TEKT4: variants seen among roughly 807,000 people sequenced by gnomAD.
TEKT4 encodes tektin-4.
TEKT4 carries 46 observed loss-of-function variants against 46.0 expected under a neutral mutation model. The ratio of observed to expected loss-of-function variants is 1.00; its 90% CI spans 0.79 to 1.28. TEKT4 has a LOEUF of 1.28. Among genes scored for constraint, TEKT4 ranks in the 50% most tolerant of loss-of-function variants. TEKT4 has a pLI of 0.00. For missense variants in TEKT4, 790 were observed against 622.9 expected (o/e 1.27, Z -2.85); for synonymous variants, 325 against 265.8 (o/e 1.22, Z -2.17).
At chr2:94,873,020 A>C in intron 1 of TEKT4, 1 of 1,289,454 alleles carries the variant, frequency 7.8e-7, no homozygotes, top group Non-Finnish European at 1.0e-6. Context: ...ATCACAGAGA[A>C]AAGGCTTGTT....
chr2:94,873,730 G>A, intron 2 of TEKT4, 140 bp downstream of exon 2: 3 of 1,289,772 alleles, frequency 2.3e-6, no homozygotes, highest in Non-Finnish European at 3.2e-6. Context: ...GACTGGGTGG[G>A]GGAGGTTCCG....
At chr2:94,876,455 C>T in intron 5 of TEKT4, 98 bp from the exon 6 acceptor site, 3 of 1,042,016 alleles carry the variant, frequency 2.9e-6, no homozygotes, top group Non-Finnish European at 4.2e-6. Flanking sequence ...CCAGGACCTC[C>T]TGCCAGCTCC....
chr2:94,875,462 C>CA lies in TEKT4; in HGVS notation c.937-125dup, dbSNP rs1416599371. The CA allele has an allele frequency of 4.2e-6, 6 of 1,438,686 alleles. No homozygotes were observed. The African/African-American group carries it at 8.5e-5, about 20-fold the overall frequency. The allele number at this position is 1,438,686 out of a possible 1,614,324, so 89.1% of individuals were successfully genotyped here. A position where few individuals can be genotyped will look rare whatever the true frequency, so the allele number is the denominator to read the frequency against. On this transcript the variant is annotated intron_variant, in intron 4 of 5. Transcript: ENST00000295201. ...ATTGTTCCCCTCATCCACGCCTCCC[C>CA]AGGGCCACTGGTCAGGACTGCCCTC... is the stretch of plus-strand genomic sequence containing the variant.
rs536038842 is a variant in TEKT4 at position 94,874,787 on chromosome 2, C to T, written c.725C>T (p.Pro242Leu). ...CCCCCGCCCCGCAGCGCCTCCACCC[C>T]GGAGACCCGGGCCAAGTTCACGCAG... Reference protein sequence around the residue: ...STTFQESASTPETRAKFTQDN... With the variant: ...STTFQESASTLETRAKFTQDN... Residue 242 changes from proline (P) to leucine (L), a missense_variant, in exon 4 of 6, where the codon CCG becomes CTG. Coordinates refer to ENST00000295201, the MANE Select transcript of TEKT4 (RefSeq NM_144705.4). 13 of 1,582,690 alleles carry T rather than the reference C, an allele frequency of 8.2e-6. No individual in the cohort carries two copies. The highest frequency in any genetic ancestry group is 3.4e-5 in the South Asian group (3 of 87,360).
At chr2:94,873,254 T>C in intron 1 of TEKT4, 7 of 1,335,624 alleles carry the variant, frequency 5.2e-6, no homozygotes, top group Non-Finnish European at 6.7e-6. Flanking sequence ...TCCTGAAGCC[T>C]GGGGCGTGGG....
rs1316898767 is a variant in TEKT4 at position 94,876,761 on chromosome 2, T to A, written c.1300T>A (p.Tyr434Asn). The A allele has an allele frequency of 6.2e-7, 1 of 1,606,374 alleles. No individual in the cohort carries two copies. Among genetic ancestry groups the A allele is most frequent in the Non-Finnish European group, 8.5e-7 (1 of 1,179,864 alleles). Residue 434 changes from tyrosine (Y) to asparagine (N), a missense_variant, in exon 6 of 6, where the codon TAC becomes AAC. Coordinates refer to ENST00000295201, the MANE Select transcript of TEKT4 (RefSeq NM_144705.4). ...RYPTILQLAG[Y>N]Q Reference sequence around the variant, plus strand: ...CCCCACCATCCTGCAGCTGGCTGGCTACCAGTGAGCAGCGGCACGGTGCTT... The same window carrying A: ...CCCCACCATCCTGCAGCTGGCTGGCAACCAGTGAGCAGCGGCACGGTGCTT...
At position 94,874,807 on chromosome 2, in the gene TEKT4, A is replaced by G. The variant is rs781934515; in HGVS notation, c.745A>G (p.Thr249Ala). Residue 249 changes from threonine (T) to alanine (A), a missense_variant, in exon 4 of 6, where the codon ACG becomes GCG. Coordinates refer to ENST00000295201, the MANE Select transcript of TEKT4 (RefSeq NM_144705.4). ...ASTPETRAKF[T>A]QDNLCRAQRE... ...CACCCCGGAGACCCGGGCCAAGTTC[A>G]CGCAGGACAATCTGTGCCGTGCCCA... 2 of 1,598,068 alleles carry G rather than the reference A, an allele frequency of 1.3e-6. No homozygotes were observed. Among genetic ancestry groups the G allele is most frequent in the Non-Finnish European group, 1.7e-6 (2 of 1,174,040 alleles).
rs1553395980 is a variant in TEKT4, at chr2:94,875,007, C to T, written c.936+9C>T. ...ATCACCACCTGCACAAGGTGGGGCA[C>T]CCTGAACCCCGAAGACGGCCCCCTC... On this transcript the variant is annotated intron_variant, in intron 4 of 5. Coordinates refer to ENST00000295201, the MANE Select transcript of TEKT4 (RefSeq NM_144705.4). 3 of 1,585,744 alleles carry T rather than the reference C, an allele frequency of 1.9e-6. No homozygotes were observed. The highest frequency in any genetic ancestry group is 2.6e-6 in the Non-Finnish European group (3 of 1,166,198).
intron 1 of TEKT4, 160 bp from the exon 2 acceptor site, chr2:94,873,360 G>C: frequency 6.8e-7 from 1 of 1,473,508 alleles, no homozygotes; most frequent in Non-Finnish European, 9.0e-7. Flanking sequence ...AAAAGCCCAA[G>C]ATAAACCCAG....
chr2:94,871,926 C>G lies in TEKT4; in HGVS notation c.347C>G (p.Thr116Ser). 6.3e-7 allele frequency: 1 copy of G among 1,599,006 alleles called. No individual in the cohort carries two copies. The highest frequency in any genetic ancestry group is 8.5e-7 in the Non-Finnish European group (1 of 1,177,226). The change falls in exon 1 of 6, where the codon ACC becomes AGC. Residue 116 changes from threonine to serine, a missense_variant. Thr to Ser is a moderately conservative substitution (Grantham distance 58). Coordinates refer to ENST00000295201, the MANE Select transcript of TEKT4 (RefSeq NM_144705.4). ...GAGATGGAGGCGCTGGCTGCGGAGACCAACTTGCTCCTGGCCCAGAAGCAA... is the reference window on the plus strand; with the variant it reads ...GAGATGGAGGCGCTGGCTGCGGAGAGCAACTTGCTCCTGGCCCAGAAGCAA... ...QREMEALAAE[T>S]NLLLAQKQRL...
At chr2:94,875,053 T>C in intron 4 of TEKT4, 55 bp downstream of exon 4, 1 of 1,491,692 alleles carries the variant, frequency 6.7e-7, no homozygotes. Context: ...GCCTGGGCCC[T>C]CAACACCTTT....
At chr2:94,873,064 A>T in intron 1 of TEKT4, 1 of 1,274,710 alleles carries the variant, frequency 7.8e-7, no homozygotes, top group Non-Finnish European at 1.0e-6. Flanking sequence ...GCCAGGCAAT[A>T]AGAAGAAACA....
rs1553395509 is a variant in TEKT4, at chr2:94,873,965, A to G, written c.570A>G (p.Arg190=). The change falls in exon 3 of 6, where the codon CGA becomes CGG. Residue 190 remains arginine (R), a splice_region_variant and synonymous_variant. Transcript: ENST00000295201. ...RTIMQAVSQI[R]LNREHKETCE... ...AAGGCCCTGCCCCACCCCGCCCCAG[A>G]CTGAACCGGGAGCACAAGGAGACCT... is the stretch of plus-strand genomic sequence containing the variant. 1 of 1,612,544 alleles carries G rather than the reference A, an allele frequency of 6.2e-7. No individual in the cohort carries two copies. The highest frequency in any genetic ancestry group is 1.7e-5 in the Admixed American group (1 of 59,978).
intron 1 of TEKT4, chr2:94,873,109 C>T (rs111586067): frequency 8.1e-7 from 1 of 1,241,400 alleles, no homozygotes; most frequent in Non-Finnish European, 1.0e-6. Context: ...GTGAAGATGG[C>T]CTTTCCCAGC....
chr2:94,871,885 G>A lies in TEKT4; in HGVS notation c.306G>A (p.Lys102=), dbSNP rs17802433. 1 of 1,598,072 alleles carries A rather than the reference G, an allele frequency of 6.3e-7. No individual in the cohort carries two copies. The highest frequency in any genetic ancestry group is 8.5e-7 in the Non-Finnish European group (1 of 1,175,972). ...GERLQDTHSW[K]SELQREMEAL... is the part of the protein sequence containing the mutation. The stretch of plus-strand genomic sequence containing the variant: ...GACTGCAGGACACGCACAGCTGGAA[G>A]TCGGAGCTGCAGCGTGAGATGGAGG... Residue 102 remains lysine, a synonymous_variant, in exon 1 of 6, where the codon AAG becomes AAA. Coordinates refer to ENST00000295201, the MANE Select transcript of TEKT4 (RefSeq NM_144705.4).
At chr2:94,874,665 A>T in intron 3 of TEKT4, 111 bp from the exon 4 acceptor site, 1 of 999,008 alleles carries the variant, frequency 1.0e-6, no homozygotes, top group Non-Finnish European at 1.4e-6. Context: ...ATCGGAGTCC[A>T]TGCACGTCCT....
chr2:94,874,675 T>A, intron 3 of TEKT4, 101 bp from the exon 4 acceptor site: 1 of 1,109,782 alleles, frequency 9.0e-7, no homozygotes, highest in Non-Finnish European at 1.3e-6. Context: ...ATGCACGTCC[T>A]CCAGGAGCAT....
rs1553394540 is a variant in TEKT4, at chr2:94,871,766, G to A, written c.187G>A (p.Glu63Lys). The change falls in exon 1 of 6, where the codon GAG becomes AAG. Residue 63 changes from glutamate to lysine, a missense_variant. Transcript: ENST00000295201. ...GGCCTTCGCCGACCGCGACCAGTCGGAGCGGCAGCGGCACGAGAGCCAGCA... is the reference window on the plus strand; with the variant it reads ...GGCCTTCGCCGACCGCGACCAGTCGAAGCGGCAGCGGCACGAGAGCCAGCA... ...HQAFADRDQS[E>K]RQRHESQQLA... 1 of 1,612,452 alleles carries A rather than the reference G, an allele frequency of 6.2e-7. No homozygotes were observed. The highest frequency in any genetic ancestry group is 8.5e-7 in the Non-Finnish European group (1 of 1,179,814).
chr2:94,872,974 A>G (rs1553395130), intron 1 of TEKT4: 1 of 1,289,476 alleles, frequency 7.8e-7, no homozygotes, highest in Admixed American at 2.3e-5. Flanking sequence ...GCCCTGGCAC[A>G]CAAGGAAGTA....
Sources: gnomAD v4.1 joint callset for allele counts on GRCh38, gnomAD v4.1.1 for gene constraint, MANE v1.5 for transcripts, NCBI Gene and HGNC (gene_info 2026-07-23, HGNC 2026-07-21) for gene names.